Variants in TENM1 observed in about 807,000 individuals in gnomAD.
TENM1 encodes the protein teneurin-1.
Under a neutral mutation model 174.8 loss-of-function variants are expected in TENM1, and 35 were observed. The observed-to-expected ratio is 0.20, with a 90% CI of 0.15 to 0.27. The LOEUF is 0.27. Ranked by LOEUF, TENM1 falls within the 10% of genes least tolerant of loss-of-function variation. The pLI, the probability that TENM1 is intolerant of heterozygous loss-of-function variation, is 1.00. For synonymous variants in TENM1, 781 were observed against 798.7 expected, an observed-to-expected ratio of 0.98 and a Z score of 0.37; for missense variants, 1,633 against 2,130.1, an observed-to-expected ratio of 0.77 and a Z score of 4.59.
chrX:124,995,442 C>A, the TENM1 span, among the ~76,000 whole-genome samples: 1 of 111,260 alleles, frequency 9.0e-6, no homozygotes, highest in Non-Finnish European at 1.9e-5. Context: ...TCCAGAAGTT[C>A]ACACAGTTAG....
the TENM1 span, among the ~76,000 whole-genome samples, chrX:124,994,579 A>G: frequency 9.0e-6 from 1 of 110,755 alleles, no homozygotes; most frequent in African/African-American, 3.3e-5. Context: ...AGTGTTCTTC[A>G]TTTCAAGGAA....
chrX:124,552,558 G>A (rs936532220), intron 14 of TENM1, among the ~76,000 whole-genome samples: 2 of 111,785 alleles, frequency 1.8e-5, no homozygotes, highest in Admixed American at 9.5e-5. Flanking sequence ...GGGAAAATAC[G>A]TTGTTTGTAT....
At chrX:125,004,885 G>A in the TENM1 span, among the ~76,000 whole-genome samples, 1 of 109,778 alleles carries the variant, frequency 9.1e-6, no homozygotes, top group Non-Finnish European at 1.9e-5. Flanking sequence ...TAAGTAATTA[G>A]GGCAAGTAAT....
At chrX:124,897,072 C>T (rs2057574781) in intron 1 of TENM1, among the ~76,000 whole-genome samples, 1 of 111,453 alleles carries the variant, frequency 9.0e-6, no homozygotes, top group Non-Finnish European at 1.9e-5. Flanking sequence ...CAGATAGCAA[C>T]AGAGCCCTTT....
intron 11 of TENM1, among the ~76,000 whole-genome samples, chrX:124,584,392 G>A (rs1254026174): frequency 1.8e-5 from 2 of 110,042 alleles, no homozygotes; most frequent in African/African-American, 3.3e-5. Flanking sequence ...AACATTCTTA[G>A]AGAAAAGAAT....
the TENM1 span, among the ~76,000 whole-genome samples, chrX:125,002,099 A>T: frequency 1.8e-5 from 2 of 111,690 alleles, no homozygotes; most frequent in Non-Finnish European, 3.8e-5. Flanking sequence ...TTGGATTATA[A>T]GCCCCAGGAA....
intron 14 of TENM1, 95 bp from the exon 18 acceptor site, chrX:124,547,185 G>T: frequency 1.5e-6 from 1 of 668,964 alleles, no homozygotes; most frequent in Non-Finnish European, 2.2e-6. Context: ...CTAAAATATA[G>T]CCAAAGATAA....
chrX:124,852,477 G>A (rs1184230929), intron 3 of TENM1, among the ~76,000 whole-genome samples: 2 of 110,916 alleles, frequency 1.8e-5, no homozygotes, highest in Admixed American at 9.6e-5. Flanking sequence ...AGGCAGGGGA[G>A]AAGAAGAAGC....
chrX:125,123,358 G>C, the TENM1 span, among the ~76,000 whole-genome samples: 2 of 110,044 alleles, frequency 1.8e-5, no homozygotes, highest in Non-Finnish European at 3.8e-5. Flanking sequence ...GCCAAGGCGG[G>C]AGGATCACTT....
chrX:124,675,603 G>A (rs943410053), intron 5 of TENM1, among the ~76,000 whole-genome samples: 1 of 90,826 alleles, frequency 1.1e-5, no homozygotes, highest in African/African-American at 3.9e-5. Flanking sequence ...ACCAGGCACT[G>A]TTTTTTTTTT....
At chrX:124,717,606 C>T (rs768714363) in intron 4 of TENM1, among the ~76,000 whole-genome samples, 1 of 111,820 alleles carries the variant, frequency 8.9e-6, no homozygotes, top group East Asian at 2.8e-4. Flanking sequence ...AGAGTTTCAT[C>T]TTTCATTAGG....
intron 3 of TENM1, among the ~76,000 whole-genome samples, chrX:124,758,655 C>T (rs918288020): frequency 8.1e-5 from 9 of 110,830 alleles, no homozygotes; most frequent in South Asian, 3.9e-4. Flanking sequence ...AAGGGAGGAA[C>T]GGATAAAGAA....
chrX:125,178,192 T>A, the TENM1 span, among the ~76,000 whole-genome samples: 6 of 111,540 alleles, frequency 5.4e-5, no homozygotes, highest in African/African-American at 2.0e-4. Context: ...TTGACCATCT[T>A]ATCATATTTT....
At chrX:124,817,362 T>A (rs1395248271) in intron 3 of TENM1, among the ~76,000 whole-genome samples, 3 of 112,095 alleles carry the variant, frequency 2.7e-5, no homozygotes, top group Non-Finnish European at 5.6e-5. Context: ...TGTGCATGTG[T>A]CTTTATAGTA....
At chrX:124,516,387 A>C (rs1353305720) in intron 18 of TENM1, among the ~76,000 whole-genome samples, 5 of 112,366 alleles carry the variant, frequency 4.4e-5, no homozygotes, top group Non-Finnish European at 7.5e-5. Context: ...TGCACAGCAA[A>C]AGAAACTATC....
intron 3 of TENM1, among the ~76,000 whole-genome samples, chrX:124,817,175 C>G (rs911439304): frequency 9.0e-6 from 1 of 111,086 alleles, no homozygotes; most frequent in African/African-American, 3.3e-5. Context: ...TGCTGAGAAT[C>G]ATGGTTTCCA....
the TENM1 span, among the ~76,000 whole-genome samples, chrX:124,991,235 T>C: frequency 9.0e-6 from 1 of 111,506 alleles, no homozygotes; most frequent in African/African-American, 3.3e-5. Flanking sequence ...ACACTGATAC[T>C]TTCTACTCCT....
the TENM1 span, among the ~76,000 whole-genome samples, chrX:125,008,679 C>G: frequency 8.9e-6 from 1 of 112,188 alleles, no homozygotes; most frequent in Non-Finnish European, 1.9e-5. Flanking sequence ...TCATAAGAAA[C>G]AGTCTCTCAG....
rs767993328 is a variant in TENM1 at position 124,420,529 on chromosome X, G to C, written c.4764C>G (p.Ser1588Arg). Residue 1588 changes from serine to arginine, a missense_variant, in exon 25 of 32, where the codon AGC (serine) becomes AGG (arginine). Around this residue, in one of 4 missense-constraint regions of TENM1, gnomAD observed 807 missense variants for 1,125.3 expected, o/e 0.72. Transcript: ENST00000422452. ...GAATGTGCACTGAATTGCCATTGCT[G>C]CTGGTAATCGCGCCCAAGTCACCTT... 3.3e-6 allele frequency: 4 copies of C among 1,212,025 alleles called. No individual in the cohort carries two copies. In the South Asian group the frequency reaches 7.0e-5, roughly 21 times the overall value.
Sources: allele counts gnomAD v4.1 joint callset (sites outside exome capture counted in the v4.1 genomes callset), GRCh38; gene constraint gnomAD v4.1.1; regional missense constraint gnomAD v4.1.1; transcripts MANE v1.5; gene names NCBI Gene and HGNC (gene_info 2026-07-23, HGNC 2026-07-21).